The following FRMD4B variants were observed in gnomAD, a reference collection of about 807,000 sequenced individuals.
FRMD4B encodes FERM domain-containing protein 4B.
In FRMD4B, 74 loss-of-function variants were observed where a neutral mutation model predicts 141.5. The ratio of observed to expected loss-of-function variants is 0.52; its 90% CI spans 0.43 to 0.63. FRMD4B has a LOEUF of 0.63. Among genes scored for constraint, FRMD4B ranks in the 30% least tolerant of loss-of-function variants. The probability of loss-of-function intolerance (pLI) is 0.00; values close to 1 mark genes in which losing one functional copy is unlikely to be tolerated. For synonymous variants in FRMD4B, 506 were observed against 467.9 expected (o/e 1.08, Z -1.05); for missense variants, 1,366 against 1,253.4 (o/e 1.09, Z -1.36).
At chr3:69,217,117 G>T (rs1160652384) in intron 10 of FRMD4B, among the ~76,000 whole-genome samples, 1 of 152,144 alleles carries the variant, frequency 6.6e-6, no homozygotes, top group Non-Finnish European at 1.5e-5. Context: ...AATGAACACG[G>T]GAATATCGAA....
intron 17 of FRMD4B, among the ~76,000 whole-genome samples, chr3:69,193,311 C>A (rs1327963234): frequency 1.3e-5 from 2 of 152,082 alleles, no homozygotes; most frequent in Non-Finnish European, 2.9e-5. Flanking sequence ...GAGTTTGAGA[C>A]CAGCCTGACC....
At position 69,506,221 on chromosome 3, in the gene FRMD4B, C is replaced by T. The variant is rs527825277; in HGVS notation, c.-129+35985G>A. ...CTGATGGATTGGCCCTGATCTTCACCCCACTTCCTCTTCAGAACAACACGC... is the reference window on the plus strand; with the variant it reads ...CTGATGGATTGGCCCTGATCTTCACTCCACTTCCTCTTCAGAACAACACGC... On this transcript the variant is annotated intron_variant, in intron 1 of 5. Transcript: ENST00000459638. Among the ~76,000 whole-genome samples the T allele has an allele frequency of 1.4e-4, 22 of 152,210 alleles. No individual in the cohort carries two copies. In the East Asian group the frequency reaches 3.9e-3, roughly 27 times the overall value.
intron 9 of FRMD4B, among the ~76,000 whole-genome samples, chr3:69,221,654 T>G (rs1167793219): frequency 6.6e-6 from 1 of 152,196 alleles, no homozygotes; most frequent in African/African-American, 2.4e-5. Context: ...ATTTCTCATT[T>G]TTTTACTTGC....
At chr3:69,196,457 A>C in intron 13 of FRMD4B, 61 bp from the exon 14 acceptor site, 2 of 1,296,730 alleles carry the variant, frequency 1.5e-6, no homozygotes, top group Non-Finnish European at 2.2e-6. Context: ...TAATGAAACA[A>C]TTAAGTTAAC....
intron 7 of FRMD4B, among the ~76,000 whole-genome samples, chr3:69,225,408 G>T (rs1283667048): frequency 6.6e-6 from 1 of 151,520 alleles, no homozygotes; most frequent in African/African-American, 2.4e-5. Flanking sequence ...GGACACAGTG[G>T]CTTACGCCTG....
chr3:69,452,988 A>C (rs1705524464), intron 1 of FRMD4B, among the ~76,000 whole-genome samples: 1 of 152,258 alleles, frequency 6.6e-6, no homozygotes, highest in Non-Finnish European at 1.5e-5. Context: ...CTAAGCCTTC[A>C]AAATCCAGTG....
Position 69,318,426 on chromosome 3 carries a change from G to A in FRMD4B, c.163-4909C>T, listed in dbSNP as rs146726915. On this transcript the variant is annotated intron_variant, in intron 1 of 22. Transcript: ENST00000398540. ...ACTCATAATCACTGAGGCGCCCATC[G>A]ATGACAATACAACAACCAAGAGAGG... is the stretch of plus-strand genomic sequence containing the variant. Among the ~76,000 whole-genome samples the A allele has an allele frequency of 1.5e-3, 234 of 152,258 alleles. 2 individuals are homozygous for A. The highest frequency in any genetic ancestry group is 3.4e-3 in the Middle Eastern group (1 of 294).
At chr3:69,348,354 C>T in intron 1 of FRMD4B, among the ~76,000 whole-genome samples, 1 of 152,042 alleles carries the variant, frequency 6.6e-6, no homozygotes, top group Admixed American at 6.5e-5. Flanking sequence ...AGCCTACCAA[C>T]CAAAAAAAGT....
chr3:69,230,128 G>A (rs7633864), intron 7 of FRMD4B, among the ~76,000 whole-genome samples: 5,213 of 151,658 alleles, frequency 0.034, 289 homozygotes, highest in African/African-American at 0.12. Flanking sequence ...GGCGCCCTCC[G>A]CCACGCCTGG....
At chr3:69,405,387 T>G (rs192764741) in intron 2 of FRMD4B, among the ~76,000 whole-genome samples, 1 of 152,348 alleles carries the variant, frequency 6.6e-6, no homozygotes, top group East Asian at 1.9e-4. Context: ...TGATTGACTA[T>G]CATAACCACT....
At chr3:69,527,487 C>T (rs193021263) in intron 1 of FRMD4B, among the ~76,000 whole-genome samples, 37 of 152,288 alleles carry the variant, frequency 2.4e-4, no homozygotes, top group African/African-American at 8.7e-4. Context: ...AAAGCAGAGG[C>T]AAAGACCAAA....
intron 1 of FRMD4B, among the ~76,000 whole-genome samples, chr3:69,528,002 A>G (rs1159503830): frequency 3.3e-5 from 5 of 152,216 alleles, no homozygotes; most frequent in Admixed American, 6.5e-5. Flanking sequence ...TAAGTGAAGA[A>G]AGCAATTTGC....
chr3:69,234,509 A>G (rs1446456636), intron 7 of FRMD4B, among the ~76,000 whole-genome samples: 2 of 152,200 alleles, frequency 1.3e-5, no homozygotes, highest in Non-Finnish European at 2.9e-5. Flanking sequence ...CCTTTATTGA[A>G]AAAGAATATC....
chr3:69,338,992 A>G (rs1366726214), intron 1 of FRMD4B, among the ~76,000 whole-genome samples: 1 of 152,126 alleles, frequency 6.6e-6, no homozygotes, highest in African/African-American at 2.4e-5. Flanking sequence ...CTCATGGGTT[A>G]ATATCCAAGC....
intron 1 of FRMD4B, among the ~76,000 whole-genome samples, chr3:69,371,335 G>A (rs1013501105): frequency 1.3e-5 from 2 of 152,178 alleles, no homozygotes; most frequent in African/African-American, 2.4e-5. Context: ...CAGAGTTTGG[G>A]TGTGTTTGCT....
At position 69,171,830 on chromosome 3, in the gene FRMD4B, G is replaced by A. The variant is rs573865880; in HGVS notation, c.*31C>T. ...TTGCAAGGCACACTAGTGTGAGAAC[G>A]CAGTGCTTGGTCAGGAGGTCCAACT... On this transcript the variant is annotated 3_prime_UTR_variant, in exon 23 of 23. Transcript: ENST00000398540. The A allele has an allele frequency of 6.2e-5, 100 of 1,606,420 alleles. No homozygotes were observed. Among genetic ancestry groups the A allele is most frequent in the Non-Finnish European group, 8.1e-5 (95 of 1,173,972 alleles).
At chr3:69,355,392 A>G (rs1250523127) in intron 1 of FRMD4B, among the ~76,000 whole-genome samples, 3 of 152,136 alleles carry the variant, frequency 2.0e-5, no homozygotes, top group Admixed American at 2.0e-4. Context: ...GAAGGTGGGG[A>G]ATTATTGTAT....
intron 1 of FRMD4B, among the ~76,000 whole-genome samples, chr3:69,470,215 G>A (rs1333825229): frequency 2.0e-5 from 3 of 152,104 alleles, no homozygotes; most frequent in Non-Finnish European, 4.4e-5. Context: ...AGTCCATTAT[G>A]GAAATCATAT....
intron 1 of FRMD4B, among the ~76,000 whole-genome samples, chr3:69,539,741 T>G (rs899817335): frequency 6.6e-6 from 1 of 152,188 alleles, no homozygotes; most frequent in Non-Finnish European, 1.5e-5. Context: ...CACAAAGAAG[T>G]GATTAAACTT....
Sources: gnomAD v4.1 joint callset for allele counts (sites outside exome capture counted in the v4.1 genomes callset) on GRCh38, gnomAD v4.1.1 for gene constraint, MANE v1.5 for transcripts, NCBI Gene and HGNC (gene_info 2026-07-23, HGNC 2026-07-21) for gene names.